Variants in CUX1 observed in about 807,000 individuals in gnomAD.
CUX1 encodes cut like homeobox 1.
A neutral mutation model predicts 158.8 loss-of-function variants in CUX1; 31 were observed. The ratio of observed to expected loss-of-function variants is 0.20; its 90% confidence interval spans 0.15 to 0.26. The LOEUF (loss-of-function observed/expected upper bound fraction) is 0.26. CUX1 is among the 10% of genes least tolerant of loss of function. The probability of loss-of-function intolerance (pLI) is 1.00; values close to 1 mark genes in which losing one functional copy is unlikely to be tolerated. For missense variants in CUX1, 1,589 were observed against 2,014.6 expected (o/e 0.79, Z 4.04); for synonymous variants, 879 against 862.1 (o/e 1.02, Z -0.34).
chr7:102,044,554 T>C (rs568758849), intron 3 of CUX1, among the ~76,000 whole-genome samples: 9 of 152,258 alleles, frequency 5.9e-5, no homozygotes, highest in South Asian at 2.1e-4. Context: ...TTCCCCTCTT[T>C]CCAGCCTGCT....
intron 2 of CUX1, among the ~76,000 whole-genome samples, chr7:101,936,383 G>A (rs986692136): frequency 1.3e-5 from 2 of 152,132 alleles, no homozygotes; most frequent in Admixed American, 6.5e-5. Context: ...AGAGAGGCAC[G>A]AACGTCATTT....
At chr7:102,246,350 G>T (rs995941575) in intron 23 of CUX1, among the ~76,000 whole-genome samples, 4 of 152,118 alleles carry the variant, frequency 2.6e-5, no homozygotes, top group Admixed American at 1.3e-4. Flanking sequence ...ACTTCTGGGG[G>T]GCTTCTCAGA....
intron 2 of CUX1, among the ~76,000 whole-genome samples, chr7:101,998,584 C>T (rs1294800062): frequency 6.6e-6 from 1 of 152,218 alleles, no homozygotes; most frequent in Non-Finnish European, 1.5e-5. Context: ...TTCCACACCC[C>T]ACTCAGGGCG....
chr7:102,197,439 T>C, intron 15 of CUX1, 134 bp downstream of exon 15: 1 of 1,081,550 alleles, frequency 9.2e-7, no homozygotes. Context: ...TCTCTTTGCT[T>C]CTGCCACGTC....
intron 1 of CUX1, among the ~76,000 whole-genome samples, chr7:101,882,535 T>C (rs1213525631): frequency 6.6e-6 from 1 of 152,210 alleles, no homozygotes; most frequent in African/African-American, 2.4e-5. Flanking sequence ...TGAAGACACC[T>C]ACAGAAATAA....
chr7:101,830,850 G>T (rs1476640331), intron 1 of CUX1, among the ~76,000 whole-genome samples: 8 of 152,126 alleles, frequency 5.3e-5, no homozygotes, highest in African/African-American at 1.7e-4. Context: ...GCAAAAATGT[G>T]CCCTGGTCTC....
chr7:102,126,462 G>C (rs1444886744), intron 8 of CUX1, among the ~76,000 whole-genome samples: 1 of 152,080 alleles, frequency 6.6e-6, no homozygotes, highest in Non-Finnish European at 1.5e-5. Context: ...GATGATCATT[G>C]TTAACATTTT....
At chr7:102,247,888 T>A (rs901261715) in intron 23 of CUX1, among the ~76,000 whole-genome samples, 2 of 152,002 alleles carry the variant, frequency 1.3e-5, no homozygotes, top group African/African-American at 4.8e-5. Context: ...CCCAGCACTT[T>A]TGGAGGCCAA....
chr7:102,230,444 C>A (rs1001939468), intron 21 of CUX1, among the ~76,000 whole-genome samples: 26 of 148,008 alleles, frequency 1.8e-4, no homozygotes, highest in African/African-American at 6.5e-4. Context: ...ACGGTGGCAT[C>A]ACTGCACTCC....
rs781198375 is a variant in CUX1 at position 101,848,168 on chromosome 7, G to A, written c.30+30499G>A. Among the ~76,000 whole-genome samples the A allele has an allele frequency of 3.3e-5, 5 of 151,786 alleles. No individual in the cohort carries two copies. In the South Asian group the frequency reaches 8.3e-4, roughly 25 times the overall value. On this transcript the variant is annotated intron_variant, in intron 1 of 23. Coordinates refer to ENST00000292535, the MANE Select transcript of CUX1 (RefSeq NM_181552.4). ...TAGCATCAATGGTGAGGCCTAGATCGCCCAGGTCACTGGGTGTGTATTGAC... is the reference window on the plus strand; with the variant it reads ...TAGCATCAATGGTGAGGCCTAGATCACCCAGGTCACTGGGTGTGTATTGAC...
intron 2 of CUX1, among the ~76,000 whole-genome samples, chr7:102,018,581 G>A (rs1277882377): frequency 6.6e-6 from 1 of 152,206 alleles, no homozygotes; most frequent in Non-Finnish European, 1.5e-5. Context: ...TGTCCTGTCT[G>A]AGCTGCCCCT....
chr7:102,008,371 C>T lies in CUX1; in HGVS notation c.142-19727C>T, dbSNP rs138364924. Reference sequence around the variant, plus strand: ...TCTAGAAAGCCCCCCCACCTCTACTCGCCCCTCTGTGGCAAATATCACCCA... The same window carrying T: ...TCTAGAAAGCCCCCCCACCTCTACTTGCCCCTCTGTGGCAAATATCACCCA... On this transcript the variant is annotated intron_variant, in intron 2 of 23. Coordinates refer to ENST00000292535, the MANE Select transcript of CUX1 (RefSeq NM_181552.4). 2.4e-3 allele frequency among the ~76,000 whole-genome samples: 368 copies of T among 151,940 alleles called. 1 individual carries two copies. The highest frequency in any genetic ancestry group is 8.4e-3 in the African/African-American group (347 of 41,414).
intron 2 of CUX1, among the ~76,000 whole-genome samples, chr7:101,979,962 T>C (rs1263439126): frequency 6.6e-6 from 1 of 152,166 alleles, no homozygotes; most frequent in Admixed American, 6.5e-5. Flanking sequence ...CTGGGTGTTT[T>C]ATTTCTTCGT....
At chr7:101,829,304 A>G (rs1488479510) in intron 1 of CUX1, among the ~76,000 whole-genome samples, 2 of 152,100 alleles carry the variant, frequency 1.3e-5, no homozygotes, top group Admixed American at 6.6e-5. Flanking sequence ...TTTTACATCC[A>G]CTGGTGACAA....
At chr7:101,952,896 G>C (rs1253064722) in intron 2 of CUX1, among the ~76,000 whole-genome samples, 1 of 152,210 alleles carries the variant, frequency 6.6e-6, no homozygotes, top group Admixed American at 6.5e-5. Context: ...TTGATTGTCT[G>C]CCTTTCCCAG....
chr7:102,195,686 T>G, intron 14 of CUX1, 83 bp downstream of exon 14: 1 of 1,258,978 alleles, frequency 7.9e-7, no homozygotes, highest in Non-Finnish European at 1.1e-6. Context: ...GAATCGTGAG[T>G]CTGGACAGAT....
intron 8 of CUX1, among the ~76,000 whole-genome samples, chr7:102,118,884 TGGGATTACA>T (rs1304383312): frequency 6.6e-6 from 1 of 152,226 alleles, no homozygotes; most frequent in Non-Finnish European, 1.5e-5. Context: ...ACCAAGTAGC[TGGGATTACA>T]GGCGTGCGCC....
chr7:102,030,691 G>GTTTTTTTTTTTTTTGTTTTTTGTTT (rs71119801), intron 3 of CUX1, among the ~76,000 whole-genome samples: 4 of 119,410 alleles, frequency 3.3e-5, no homozygotes, highest in African/African-American at 1.2e-4. Context: ...TTTAAAAAGT[G>GTTTTTTTTTTTTTTGTTTTTTGTTT]TTTTTTTTTT....
intron 14 of CUX1, among the ~76,000 whole-genome samples, chr7:102,267,877 G>A (rs1008970777): frequency 1.4e-4 from 22 of 152,030 alleles, no homozygotes; most frequent in East Asian, 3.9e-4. Flanking sequence ...CATGTTGCCC[G>A]TGCTGGTCTC....
Sources: gnomAD v4.1 joint callset for allele counts (sites outside exome capture counted in the v4.1 genomes callset) on GRCh38, gnomAD v4.1.1 for gene constraint, MANE v1.5 for transcripts, NCBI Gene and HGNC (gene_info 2026-07-23, HGNC 2026-07-21) for gene names.